LYPLAL1: variants seen among roughly 807,000 people sequenced by gnomAD.
The protein encoded by LYPLAL1 is lysophospholipase-like protein 1.
In LYPLAL1, 23 loss-of-function variants were observed where a neutral mutation model predicts 19.7. The observed-to-expected ratio is 1.17, with a 90% confidence interval of 0.84 to 1.65. The LOEUF (loss-of-function observed/expected upper bound fraction) is 1.65. LYPLAL1 is among the 40% of genes most tolerant of loss of function. The pLI, the probability that LYPLAL1 is intolerant of heterozygous loss-of-function variation, is 0.00. For synonymous variants in LYPLAL1, 119 were observed against 96.3 expected (o/e 1.24, Z -1.38); for missense variants, 355 against 279.4 (o/e 1.27, Z -1.93).
At chr1:219,376,844 G>C in the LYPLAL1 span, among the ~76,000 whole-genome samples, 1 of 152,156 alleles carries the variant, frequency 6.6e-6, no homozygotes, top group Non-Finnish European at 1.5e-5. Context: ...ATTTTGGCAA[G>C]GGTGTGGGGA....
chr1:219,349,514 G>A, the LYPLAL1 span, among the ~76,000 whole-genome samples: 1 of 152,184 alleles, frequency 6.6e-6, no homozygotes, highest in South Asian at 2.1e-4. Flanking sequence ...GTTCCTCAGG[G>A]ATGATAACAT....
the LYPLAL1 span, among the ~76,000 whole-genome samples, chr1:219,316,686 T>C: frequency 6.6e-6 from 1 of 152,156 alleles, no homozygotes; most frequent in Non-Finnish European, 1.5e-5. Context: ...ATGTGGTATG[T>C]ACATATAGTG....
chr1:219,383,664 T>C, the LYPLAL1 span, among the ~76,000 whole-genome samples: 205 of 152,312 alleles, frequency 1.3e-3, no homozygotes, highest in African/African-American at 3.8e-3. Flanking sequence ...TAATATTTAA[T>C]AAAAACACAA....
the LYPLAL1 span, among the ~76,000 whole-genome samples, chr1:219,416,759 G>A: frequency 1.3e-5 from 2 of 152,198 alleles, no homozygotes; most frequent in Non-Finnish European, 2.9e-5. Context: ...ACTGGTGTGA[G>A]TGCCTTATGC....
intron 1 of LYPLAL1, chr1:219,175,085 G>A (rs1655702008): frequency 2.0e-6 from 2 of 985,318 alleles, no homozygotes; most frequent in African/African-American, 3.5e-5. Flanking sequence ...ACCTGGAAAA[G>A]GGCAATTGTG....
At chr1:219,394,658 G>A in the LYPLAL1 span, among the ~76,000 whole-genome samples, 2 of 152,122 alleles carry the variant, frequency 1.3e-5, no homozygotes, top group African/African-American at 2.4e-5. Flanking sequence ...AAGTCCAGGG[G>A]TATATGTGCA....
At chr1:219,416,084 CA>C in the LYPLAL1 span, among the ~76,000 whole-genome samples, 6 of 152,174 alleles carry the variant, frequency 3.9e-5, no homozygotes, top group Admixed American at 1.3e-4. Context: ...ACTCCACACT[CA>C]ATTTCTCCTA....
chr1:219,263,720 T>G, the LYPLAL1 span, among the ~76,000 whole-genome samples: 5 of 152,222 alleles, frequency 3.3e-5, no homozygotes, highest in South Asian at 2.1e-4. Context: ...TCCTGCTGCT[T>G]CTTCTGCTTT....
the LYPLAL1 span, among the ~76,000 whole-genome samples, chr1:219,327,588 A>T: frequency 2.0e-4 from 30 of 151,924 alleles, no homozygotes; most frequent in African/African-American, 6.7e-4. Context: ...CAAACAAAGA[A>T]ACTATTCTGT....
At chr1:219,432,550 A>C in the LYPLAL1 span, among the ~76,000 whole-genome samples, 2 of 152,118 alleles carry the variant, frequency 1.3e-5, no homozygotes, top group Non-Finnish European at 2.9e-5. Context: ...TGGCCTGATG[A>C]CTAACCGCAG....
the LYPLAL1 span, among the ~76,000 whole-genome samples, chr1:219,364,057 C>T: frequency 1.3e-5 from 2 of 152,142 alleles, no homozygotes; most frequent in Non-Finnish European, 2.9e-5. Context: ...TTCAGCAAAA[C>T]ATCCCTGTTC....
the LYPLAL1 span, among the ~76,000 whole-genome samples, chr1:219,319,840 G>A: frequency 6.6e-6 from 1 of 152,110 alleles, no homozygotes; most frequent in Non-Finnish European, 1.5e-5. Context: ...TCTCACAAAG[G>A]GAAGATACCA....
chr1:219,388,795 G>T, the LYPLAL1 span, among the ~76,000 whole-genome samples: 1 of 152,178 alleles, frequency 6.6e-6, no homozygotes, highest in Admixed American at 6.5e-5. Flanking sequence ...GTTTTATAGA[G>T]ATGTATTGAC....
chr1:219,277,672 C>G, the LYPLAL1 span, among the ~76,000 whole-genome samples: 1 of 152,286 alleles, frequency 6.6e-6, no homozygotes, highest in South Asian at 2.1e-4. Flanking sequence ...CCCTCAACCA[C>G]TAAATGACCC....
At chr1:219,328,664 A>G in the LYPLAL1 span, among the ~76,000 whole-genome samples, 2 of 152,168 alleles carry the variant, frequency 1.3e-5, no homozygotes, top group Non-Finnish European at 2.9e-5. Flanking sequence ...TATCTATATA[A>G]ATAAGCCACA....
chr1:219,316,668 A>G, the LYPLAL1 span, among the ~76,000 whole-genome samples: 2 of 152,206 alleles, frequency 1.3e-5, no homozygotes, highest in East Asian at 1.9e-4. Context: ...TCAAATGTAT[A>G]TGCAAAAATG....
the LYPLAL1 span, among the ~76,000 whole-genome samples, chr1:219,244,645 G>A: frequency 6.6e-6 from 1 of 152,028 alleles, no homozygotes; most frequent in Non-Finnish European, 1.5e-5. Flanking sequence ...CACAATATAT[G>A]TTATAAAAGA....
chr1:219,174,050 T>C (rs527515282), intron 1 of LYPLAL1, 69 bp downstream of exon 1: 2 of 1,599,780 alleles, frequency 1.3e-6, no homozygotes, highest in South Asian at 2.2e-5. Flanking sequence ...TACCCCAGTA[T>C]TGCCCAAGTG....
the LYPLAL1 span, among the ~76,000 whole-genome samples, chr1:219,324,559 C>T: frequency 6.6e-6 from 1 of 152,140 alleles, no homozygotes; most frequent in Non-Finnish European, 1.5e-5. Context: ...AACCATGAAG[C>T]CATCTCCTGG....
Sources: gnomAD v4.1 joint callset for allele counts (sites outside exome capture counted in the v4.1 genomes callset) on GRCh38, gnomAD v4.1.1 for gene constraint, MANE v1.5 for transcripts, NCBI Gene and HGNC (gene_info 2026-07-23, HGNC 2026-07-21) for gene names.